The following CNTNAP2 variants were observed in gnomAD, a reference collection of about 807,000 sequenced individuals.
The protein encoded by CNTNAP2 is contactin-associated protein-like 2.
In CNTNAP2, 98 loss-of-function variants were observed where a neutral mutation model predicts 155.2. The ratio of observed to expected loss-of-function variants is 0.63; its 90% CI spans 0.54 to 0.75. The LOEUF (loss-of-function observed/expected upper bound fraction) is 0.75, where lower values mean the gene tolerates loss of function less well. Ranked by LOEUF, CNTNAP2 falls within the 30% of genes least tolerant of loss-of-function variation. The probability of loss-of-function intolerance (pLI) is 0.00; values close to 1 mark genes in which losing one functional copy is unlikely to be tolerated. For synonymous variants in CNTNAP2, 651 were observed against 631.2 expected (o/e 1.03, Z -0.47); for missense variants, 1,727 against 1,688.1 (o/e 1.02, Z -0.40).
chr7:146,325,626 GGAGA>G (rs140556394), intron 1 of CNTNAP2, among the ~76,000 whole-genome samples: 74 of 151,362 alleles, frequency 4.9e-4, no homozygotes, highest in African/African-American at 1.6e-3. Flanking sequence ...ACACACACAG[GGAGA>G]GAGAGAGAGA....
intron 9 of CNTNAP2, among the ~76,000 whole-genome samples, chr7:147,318,339 G>A (rs1795276345): frequency 6.6e-6 from 1 of 152,104 alleles, no homozygotes; most frequent in Non-Finnish European, 1.5e-5. Context: ...CTACTTGGGA[G>A]GCTGAGGCAG....
chr7:147,687,227 G>A (rs1216305511), intron 13 of CNTNAP2, among the ~76,000 whole-genome samples: 1 of 152,096 alleles, frequency 6.6e-6, no homozygotes, highest in African/African-American at 2.4e-5. Flanking sequence ...GATAATGTAT[G>A]TGAATGAAGA....
chr7:146,250,262 G>T (rs922522700), intron 1 of CNTNAP2, among the ~76,000 whole-genome samples: 4 of 152,136 alleles, frequency 2.6e-5, no homozygotes, highest in African/African-American at 7.2e-5. Flanking sequence ...ATCTAATACT[G>T]CATGTGAGGC....
chr7:148,346,240 G>A (rs1307169972), intron 21 of CNTNAP2, among the ~76,000 whole-genome samples: 1 of 152,026 alleles, frequency 6.6e-6, no homozygotes, highest in African/African-American at 2.4e-5. Context: ...ATGCAACTTG[G>A]ATATGTTTTT....
intron 11 of CNTNAP2, among the ~76,000 whole-genome samples, chr7:147,529,463 T>C (rs1383196447): frequency 1.3e-5 from 2 of 152,192 alleles, no homozygotes; most frequent in East Asian, 1.9e-4. Context: ...CTGGCTATGA[T>C]CATGAGGCTA....
At chr7:147,875,660 G>A (rs77686108) in intron 13 of CNTNAP2, among the ~76,000 whole-genome samples, 6,016 of 152,182 alleles carry the variant, frequency 0.04, 383 homozygotes, top group African/African-American at 0.14. Flanking sequence ...GGGAGGCCAA[G>A]GTAGTAGGAT....
intron 10 of CNTNAP2, among the ~76,000 whole-genome samples, chr7:147,447,609 G>A (rs1163252809): frequency 2.0e-5 from 3 of 152,126 alleles, no homozygotes; most frequent in South Asian, 2.1e-4. Context: ...TAGTAGAGAC[G>A]AGGTTTCAAC....
At chr7:148,116,888 G>A (rs1804486290) in intron 15 of CNTNAP2, among the ~76,000 whole-genome samples, 1 of 152,148 alleles carries the variant, frequency 6.6e-6, no homozygotes, top group South Asian at 2.1e-4. Context: ...CAAATACCGT[G>A]TTTTTTAAAA....
intron 10 of CNTNAP2, among the ~76,000 whole-genome samples, chr7:147,429,206 G>T (rs910819310): frequency 4.0e-5 from 6 of 151,354 alleles, no homozygotes; most frequent in African/African-American, 1.5e-4. Context: ...GTTGGTCAAT[G>T]GATATTTAGT....
At chr7:146,468,663 C>T (rs942390195) in intron 1 of CNTNAP2, among the ~76,000 whole-genome samples, 15 of 151,862 alleles carry the variant, frequency 9.9e-5, no homozygotes, top group East Asian at 1.9e-4. Context: ...TAAAGAATTT[C>T]GACAAAGAAA....
At chr7:146,779,612 A>T (rs1383919434) in intron 2 of CNTNAP2, among the ~76,000 whole-genome samples, 1 of 152,190 alleles carries the variant, frequency 6.6e-6, no homozygotes, top group African/African-American at 2.4e-5. Context: ...TAGATCCTGA[A>T]TAATTTTCTT....
chr7:146,501,994 T>C (rs1283726553), intron 1 of CNTNAP2, among the ~76,000 whole-genome samples: 1 of 151,872 alleles, frequency 6.6e-6, no homozygotes, highest in Non-Finnish European at 1.5e-5. Flanking sequence ...CTCTCTTTAT[T>C]CCTCTCTTTG....
At chr7:148,078,056 A>T (rs1467403439) in intron 15 of CNTNAP2, among the ~76,000 whole-genome samples, 1 of 151,728 alleles carries the variant, frequency 6.6e-6, no homozygotes, top group Admixed American at 6.6e-5. Context: ...GTACCCAAAA[A>T]CATAATCATT....
At chr7:147,783,837 C>A (rs1274733531) in intron 13 of CNTNAP2, among the ~76,000 whole-genome samples, 3 of 152,134 alleles carry the variant, frequency 2.0e-5, no homozygotes, top group Non-Finnish European at 2.9e-5. Flanking sequence ...ATGCCTTCAC[C>A]AGACACTGAA....
At chr7:148,056,946 A>G (rs1169883976) in intron 15 of CNTNAP2, among the ~76,000 whole-genome samples, 2 of 152,192 alleles carry the variant, frequency 1.3e-5, no homozygotes, top group Non-Finnish European at 2.9e-5. Context: ...CTTTGGATCC[A>G]CTGGAATTAA....
intron 3 of CNTNAP2, among the ~76,000 whole-genome samples, chr7:146,847,775 A>G (rs943718260): frequency 6.6e-6 from 1 of 152,168 alleles, no homozygotes; most frequent in Admixed American, 6.5e-5. Context: ...TGCCATTCAA[A>G]TCTTGGGCCT....
At chr7:147,885,920 A>G (rs552057028) in intron 13 of CNTNAP2, among the ~76,000 whole-genome samples, 26 of 152,358 alleles carry the variant, frequency 1.7e-4, no homozygotes, top group African/African-American at 6.0e-4. Flanking sequence ...TTCTGCATGA[A>G]CTGTGGCTTA....
chr7:146,831,895 C>T (rs1469555197), intron 2 of CNTNAP2, among the ~76,000 whole-genome samples: 1 of 151,996 alleles, frequency 6.6e-6, no homozygotes, highest in Non-Finnish European at 1.5e-5. Flanking sequence ...TTCTGTTTTG[C>T]TTAAAAAATA....
intron 8 of CNTNAP2, among the ~76,000 whole-genome samples, chr7:147,202,604 G>T (rs1038140714): frequency 1.3e-5 from 2 of 152,040 alleles, no homozygotes; most frequent in African/African-American, 2.4e-5. Flanking sequence ...TATACACCAT[G>T]GAATACAGCC....
Sources: gnomAD v4.1 joint callset for allele counts (sites outside exome capture counted in the v4.1 genomes callset) on GRCh38, gnomAD v4.1.1 for gene constraint, MANE v1.5 for transcripts, NCBI Gene and HGNC (gene_info 2026-07-23, HGNC 2026-07-21) for gene names.